Variants in ACER1 observed in about 807,000 individuals in gnomAD.
ACER1 encodes the protein CTB-180A7.3.
In ACER1, 28 loss-of-function variants were observed where a neutral mutation model predicts 24.9. That is an observed-to-expected ratio of 1.13 (90% CI 0.83 to 1.54). The LOEUF (loss-of-function observed/expected upper bound fraction) is 1.54. Ranked by LOEUF, ACER1 falls within the 40% of genes most tolerant of loss-of-function variation. ACER1 has a pLI of 0.00. For missense variants in ACER1, 352 were observed against 349.3 expected, an observed-to-expected ratio of 1.01 and a Z score of -0.06; for synonymous variants, 132 against 131.4, an observed-to-expected ratio of 1.00 and a Z score of -0.03.
intron 4 of ACER1, among the ~76,000 whole-genome samples, 188 bp downstream of exon 4, chr19:6,309,509 G>A (rs934421862): frequency 2.6e-5 from 4 of 151,628 alleles, no homozygotes; most frequent in East Asian, 1.9e-4. Context: ...GCAACAGAGC[G>A]AGGATCCGTC....
the ACER1 span, among the ~76,000 whole-genome samples, chr19:6,346,248 C>T: frequency 1.3e-5 from 2 of 152,118 alleles, no homozygotes; most frequent in South Asian, 2.1e-4. Flanking sequence ...TTTTTATGTG[C>T]TAAATCTGGA....
chr19:6,354,658 G>A, the ACER1 span, among the ~76,000 whole-genome samples: 2 of 151,818 alleles, frequency 1.3e-5, no homozygotes, highest in Non-Finnish European at 2.9e-5. Context: ...AGTGGCTCAC[G>A]CCTGTAATCC....
Position 6,312,155 on chromosome 19 carries a change from C to G in ACER1, c.344G>C (p.Gly115Ala). 1 of 1,613,600 alleles carries G rather than the reference C, an allele frequency of 6.2e-7. No individual in the cohort carries two copies. Among genetic ancestry groups the G allele is most frequent in the Non-Finnish European group, 8.5e-7 (1 of 1,179,860 alleles). ...PRCYFPSFLG[G>A]NRSQFIRLVF... ...TGGCCAGCCCCTGACCCACCTGTTCCCCCCAAGGAAGGAGGGGAAATAGCA... is the reference window on the plus strand; with the variant it reads ...TGGCCAGCCCCTGACCCACCTGTTCGCCCCAAGGAAGGAGGGGAAATAGCA... Residue 115 changes from glycine (G) to alanine (A), a missense_variant, in exon 3 of 6, where the codon GGG becomes GCG. Gly to Ala is a moderately conservative substitution (Grantham distance 60). Transcript: ENST00000301452.
intron 1 of ACER1, among the ~76,000 whole-genome samples, chr19:6,331,998 C>A (rs937780484): frequency 2.7e-5 from 4 of 149,560 alleles, no homozygotes; most frequent in African/African-American, 9.9e-5. Context: ...CGAAGTCTCG[C>A]TCTTGTCCCT....
chr19:6,337,158 A>G (rs959419675), upstream of ACER1, among the ~76,000 whole-genome samples: 3 of 148,876 alleles, frequency 2.0e-5, no homozygotes, highest in African/African-American at 7.7e-5. Context: ...CCTGGGCGAC[A>G]GGGTGAGACT....
At chr19:6,324,595 T>TA (rs375248245) in intron 1 of ACER1, among the ~76,000 whole-genome samples, 17,102 of 137,896 alleles carry the variant, frequency 0.12, 1,293 homozygotes, top group East Asian at 0.38. Context: ...CCATCTCTAC[T>TA]AAAAAAAAAA....
chr19:6,334,189 C>T (rs575079329), upstream of ACER1, among the ~76,000 whole-genome samples: 23 of 152,082 alleles, frequency 1.5e-4, no homozygotes, highest in East Asian at 3.5e-3. Flanking sequence ...GGACTACAGG[C>T]GCCCACCGCC....
chr19:6,318,191 C>A (rs2091613066), intron 1 of ACER1, among the ~76,000 whole-genome samples: 1 of 151,758 alleles, frequency 6.6e-6, no homozygotes, highest in South Asian at 2.1e-4. Context: ...ATTAGCCGGG[C>A]ATGGATTACA....
At chr19:6,338,926 A>G in the ACER1 span, among the ~76,000 whole-genome samples, 2 of 149,258 alleles carry the variant, frequency 1.3e-5, no homozygotes, top group African/African-American at 5.0e-5. Flanking sequence ...CATCCAGGCT[A>G]GAGTGCAATG....
the ACER1 span, among the ~76,000 whole-genome samples, chr19:6,348,482 AAAG>A: frequency 6.6e-6 from 1 of 151,644 alleles, no homozygotes; most frequent in African/African-American, 2.4e-5. Flanking sequence ...AAAAAAAAAA[AAAG>A]AAGATTAAAG....
At chr19:6,344,956 C>T in the ACER1 span, among the ~76,000 whole-genome samples, 1 of 151,524 alleles carries the variant, frequency 6.6e-6, no homozygotes, top group Admixed American at 6.6e-5. Context: ...ACCTCCGCCT[C>T]CCGGGTTCAC....
intron 1 of ACER1, among the ~76,000 whole-genome samples, chr19:6,329,319 C>T (rs2091676334): frequency 6.9e-6 from 1 of 145,276 alleles, no homozygotes; most frequent in African/African-American, 2.6e-5. Flanking sequence ...TGATTCTATT[C>T]CTCATCCCCT....
intron 1 of ACER1, among the ~76,000 whole-genome samples, chr19:6,326,864 G>A (rs2091664037): frequency 1.3e-5 from 2 of 151,490 alleles, no homozygotes; most frequent in African/African-American, 4.8e-5. Context: ...GAACCGTTAC[G>A]TCTTCATCTC....
intron 1 of ACER1, among the ~76,000 whole-genome samples, chr19:6,321,577 C>G (rs1472552913): frequency 6.6e-6 from 1 of 151,730 alleles, no homozygotes; most frequent in Admixed American, 6.6e-5. Flanking sequence ...CCCACCAGGG[C>G]AAGGAGTTTC....
At chr19:6,313,834 C>A (rs1443267734) in intron 1 of ACER1, among the ~76,000 whole-genome samples, 1 of 152,218 alleles carries the variant, frequency 6.6e-6, no homozygotes, top group African/African-American at 2.4e-5. Flanking sequence ...GGCCACCACA[C>A]AAGAAGACTG....
At chr19:6,328,374 C>T (rs902406870) in intron 1 of ACER1, among the ~76,000 whole-genome samples, 51 of 151,200 alleles carry the variant, frequency 3.4e-4, no homozygotes, top group African/African-American at 1.2e-3. Flanking sequence ...GCCTGTAGTC[C>T]CAGCTACTTG....
chr19:6,335,573 G>C (rs2091710895), upstream of ACER1, among the ~76,000 whole-genome samples: 1 of 152,032 alleles, frequency 6.6e-6, no homozygotes, highest in Admixed American at 6.5e-5. Flanking sequence ...GCTCACGCCT[G>C]TAATCCTAGT....
the ACER1 span, among the ~76,000 whole-genome samples, chr19:6,351,439 C>T: frequency 0.06 from 9,027 of 149,426 alleles, 387 homozygotes; most frequent in African/African-American, 0.12. Context: ...GATAATTTGG[C>T]TTAAAATTTG....
chr19:6,332,957 C>T (rs1201592092), intron 1 of ACER1, among the ~76,000 whole-genome samples: 2 of 152,124 alleles, frequency 1.3e-5, no homozygotes, highest in African/African-American at 4.8e-5. Context: ...ACGTGAGCCA[C>T]CGCGCCCAGC....
Sources: gnomAD v4.1 joint callset for allele counts (sites outside exome capture counted in the v4.1 genomes callset) on GRCh38, gnomAD v4.1.1 for gene constraint, MANE v1.5 for transcripts, NCBI Gene and HGNC (gene_info 2026-07-23, HGNC 2026-07-21) for gene names.